Variants in PXDNL observed in about 807,000 individuals in gnomAD.
PXDNL encodes peroxidasin like.
In PXDNL, 145 loss-of-function variants were observed where a neutral mutation model predicts 150.8. That is an observed-to-expected ratio of 0.96 (90% CI 0.84 to 1.10). The LOEUF is 1.10. Ranked by LOEUF, PXDNL falls within the 50% of genes least tolerant of loss-of-function variation. The pLI is 0.00. For missense variants in PXDNL, 2,087 were observed against 1,873.9 expected, an observed-to-expected ratio of 1.11 and a Z score of -2.10; for synonymous variants, 757 against 725.7, an observed-to-expected ratio of 1.04 and a Z score of -0.69.
chr8:51,524,872 C>T (rs558978017), intron 4 of PXDNL, among the ~76,000 whole-genome samples: 17 of 152,248 alleles, frequency 1.1e-4, no homozygotes, highest in Admixed American at 3.9e-4. Context: ...ATACTGCAAT[C>T]TTGAGATTTC....
At chr8:51,798,073 G>C (rs1016055659) in intron 1 of PXDNL, among the ~76,000 whole-genome samples, 3 of 152,146 alleles carry the variant, frequency 2.0e-5, no homozygotes, top group African/African-American at 7.2e-5. Flanking sequence ...ACAAGCAATG[G>C]GGGAAGGATT....
At chr8:51,617,258 T>G (rs555466257) in intron 2 of PXDNL, among the ~76,000 whole-genome samples, 1 of 152,354 alleles carries the variant, frequency 6.6e-6, no homozygotes, top group South Asian at 2.1e-4. Context: ...GATCCATTTC[T>G]TAAAATTAGT....
intron 3 of PXDNL, among the ~76,000 whole-genome samples, chr8:51,581,647 T>C (rs73588769): frequency 0.051 from 7,763 of 152,180 alleles, 463 homozygotes; most frequent in African/African-American, 0.15. Flanking sequence ...TTGAAACACC[T>C]GTGTTCATCA....
chr8:51,401,899 G>C (rs1043154283), intron 17 of PXDNL, among the ~76,000 whole-genome samples: 2 of 152,208 alleles, frequency 1.3e-5, no homozygotes, highest in Admixed American at 6.5e-5. Flanking sequence ...AGGTGACGGG[G>C]TGGTGTCGAT....
chr8:51,701,041 A>G (rs1310429922), intron 1 of PXDNL, among the ~76,000 whole-genome samples: 1 of 151,976 alleles, frequency 6.6e-6, no homozygotes, highest in Non-Finnish European at 1.5e-5. Flanking sequence ...ATACACACAG[A>G]GAGAAATTCT....
intron 19 of PXDNL, among the ~76,000 whole-genome samples, chr8:51,348,476 C>T (rs900454104): frequency 6.6e-6 from 1 of 152,110 alleles, no homozygotes; most frequent in African/African-American, 2.4e-5. Flanking sequence ...TCTTTTAATT[C>T]ACTTCGTTAT....
At chr8:51,661,735 T>C (rs1236276986) in intron 1 of PXDNL, among the ~76,000 whole-genome samples, 1 of 152,150 alleles carries the variant, frequency 6.6e-6, no homozygotes, top group Non-Finnish European at 1.5e-5. Context: ...TGGCAAAATC[T>C]GTAGGGAGAC....
At chr8:51,793,942 G>A (rs903112496) in intron 1 of PXDNL, among the ~76,000 whole-genome samples, 1 of 151,874 alleles carries the variant, frequency 6.6e-6, no homozygotes, top group African/African-American at 2.4e-5. Context: ...AGGAGCTGTT[G>A]ACCAGAATAA....
chr8:51,439,964 G>T (rs1809501339), intron 12 of PXDNL, among the ~76,000 whole-genome samples: 1 of 151,784 alleles, frequency 6.6e-6, no homozygotes, highest in Admixed American at 6.6e-5. Flanking sequence ...AGCACAATTT[G>T]CAATTGCAAA....
intron 21 of PXDNL, among the ~76,000 whole-genome samples, chr8:51,324,441 T>C (rs1805423916): frequency 6.6e-6 from 1 of 152,218 alleles, no homozygotes; most frequent in African/African-American, 2.4e-5. Flanking sequence ...TTTTGCTGCT[T>C]TCAAAATGTT....
chr8:51,536,088 A>G (rs1301677391), intron 4 of PXDNL, among the ~76,000 whole-genome samples: 1 of 152,198 alleles, frequency 6.6e-6, no homozygotes, highest in East Asian at 1.9e-4. Context: ...TGACCATCCC[A>G]GTCAGTCCAC....
intron 4 of PXDNL, among the ~76,000 whole-genome samples, chr8:51,539,538 A>C (rs61113860): frequency 0.019 from 2,834 of 152,226 alleles, 36 homozygotes; most frequent in African/African-American, 0.034. Context: ...TTTGTTTCTT[A>C]AATATTTGTT....
At chr8:51,607,377 T>G (rs983953511) in intron 2 of PXDNL, among the ~76,000 whole-genome samples, 1 of 152,208 alleles carries the variant, frequency 6.6e-6, no homozygotes, top group Admixed American at 6.5e-5. Flanking sequence ...TCCCTGATGT[T>G]CATAACAAAG....
Position 51,413,257 on chromosome 8 carries a change from AG to A in PXDNL, c.1796del (p.Ala599ValfsTer56). The A allele has an allele frequency of 6.3e-7, 1 of 1,587,064 alleles. No homozygotes were observed. Among genetic ancestry groups the A allele is most frequent in the Non-Finnish European group, 8.6e-7 (1 of 1,157,206 alleles). Reference sequence around the variant, plus strand: ...CATCGCCAGCTTGTCTACCCTGTATAGCTTTGAAAATCAATTCCATGATTAA... The same window carrying A: ...CATCGCCAGCTTGTCTACCCTGTATACTTTGAAAATCAATTCCATGATTAA... ...AVTNMFLTVTAIQGRQAGDDF... is the reference protein window; with the variant it reads ...AVTNMFLTVTXIQGRQAGDDF... On this transcript the variant is annotated frameshift_variant and splice_region_variant, in exon 15 of 23. Transcript: ENST00000356297. LOFTEE classifies it high-confidence loss of function.
intron 19 of PXDNL, among the ~76,000 whole-genome samples, chr8:51,356,578 A>T (rs959132690): frequency 6.6e-6 from 1 of 152,094 alleles, no homozygotes; most frequent in Non-Finnish European, 1.5e-5. Flanking sequence ...AATGTTCTGT[A>T]AAGTATGTTA....
At chr8:51,745,621 G>T (rs982481525) in intron 1 of PXDNL, among the ~76,000 whole-genome samples, 21 of 152,256 alleles carry the variant, frequency 1.4e-4, no homozygotes, top group Admixed American at 1.2e-3. Flanking sequence ...AGGCCGTGAC[G>T]GTGGAACATT....
chr8:51,473,763 A>T (rs1033331767), intron 7 of PXDNL, among the ~76,000 whole-genome samples: 1 of 148,510 alleles, frequency 6.7e-6, no homozygotes, highest in Admixed American at 6.7e-5. Flanking sequence ...AAAAAAAAAA[A>T]CAGTAAGTGA....
chr8:51,414,997 C>A (rs1339847823), intron 14 of PXDNL, among the ~76,000 whole-genome samples: 1 of 152,140 alleles, frequency 6.6e-6, no homozygotes, highest in African/African-American at 2.4e-5. Context: ...AATCCTCAGG[C>A]AGACTGATAG....
intron 1 of PXDNL, among the ~76,000 whole-genome samples, chr8:51,719,465 C>T (rs1356921400): frequency 6.6e-6 from 1 of 151,980 alleles, no homozygotes; most frequent in African/African-American, 2.4e-5. Context: ...GAGTCATCAC[C>T]ACTCCCTAAT....
Sources: allele counts gnomAD v4.1 joint callset (sites outside exome capture counted in the v4.1 genomes callset), GRCh38; gene constraint gnomAD v4.1.1; transcripts MANE v1.5; gene names NCBI Gene and HGNC (gene_info 2026-07-23, HGNC 2026-07-21).